FRMD4B: variants seen among roughly 807,000 people sequenced by gnomAD.
FRMD4B encodes FERM domain-containing protein 4B.
Under a neutral mutation model 141.5 loss-of-function variants are expected in FRMD4B, and 74 were observed. That is an observed-to-expected ratio of 0.52 (90% CI 0.43 to 0.63). The LOEUF (loss-of-function observed/expected upper bound fraction) is 0.63, where lower values mean the gene tolerates loss of function less well. Ranked by LOEUF, FRMD4B falls within the 30% of genes least tolerant of loss-of-function variation. The probability of loss-of-function intolerance (pLI) is 0.00; values close to 1 mark genes in which losing one functional copy is unlikely to be tolerated. For missense variants in FRMD4B, 1,366 were observed against 1,253.4 expected, an observed-to-expected ratio of 1.09 and a Z score of -1.36; for synonymous variants, 506 against 467.9, an observed-to-expected ratio of 1.08 and a Z score of -1.05.
intron 1 of FRMD4B, among the ~76,000 whole-genome samples, chr3:69,368,650 C>T (rs1250495409): frequency 6.6e-6 from 1 of 152,234 alleles, no homozygotes; most frequent in Non-Finnish European, 1.5e-5. Context: ...CATACTCCCA[C>T]TTCACAGACA....
chr3:69,250,282 T>TGTGTGC (rs2093454287), intron 5 of FRMD4B, 183 bp from the exon 6 acceptor site: 2 of 488,616 alleles, frequency 4.1e-6, no homozygotes, highest in Admixed American at 4.3e-5. Context: ...GCGAAACCAC[T>TGTGTGC]GTGTGTGCGT....
At chr3:69,211,150 G>A (rs949399152) in intron 11 of FRMD4B, among the ~76,000 whole-genome samples, 2 of 150,500 alleles carry the variant, frequency 1.3e-5, no homozygotes, top group African/African-American at 4.9e-5. Context: ...CTCTTTTATT[G>A]TCTGTCTTCT....
At chr3:69,358,909 G>T (rs1164209318) in intron 1 of FRMD4B, among the ~76,000 whole-genome samples, 1 of 152,166 alleles carries the variant, frequency 6.6e-6, no homozygotes, top group African/African-American at 2.4e-5. Flanking sequence ...GCACCCTTCT[G>T]CCTTCAGCCA....
chr3:69,231,290 C>CTTT (rs760617166), intron 7 of FRMD4B, among the ~76,000 whole-genome samples: 5 of 152,074 alleles, frequency 3.3e-5, no homozygotes, highest in Non-Finnish European at 7.4e-5. Flanking sequence ...TTGCTGCATC[C>CTTT]TTTTTTTCTC....
chr3:69,397,102 A>C (rs1704486245), intron 2 of FRMD4B, among the ~76,000 whole-genome samples: 1 of 152,236 alleles, frequency 6.6e-6, no homozygotes, highest in South Asian at 2.1e-4. Flanking sequence ...AAAAAGTAGA[A>C]ACAACTCAAG....
At chr3:69,219,898 T>A (rs1425389470) in intron 9 of FRMD4B, among the ~76,000 whole-genome samples, 1 of 152,192 alleles carries the variant, frequency 6.6e-6, no homozygotes, top group African/African-American at 2.4e-5. Context: ...CTGCATTAGT[T>A]TGCTGAGGAT....
At chr3:69,519,675 CA>C (rs1298583172) in intron 1 of FRMD4B, among the ~76,000 whole-genome samples, 1 of 151,962 alleles carries the variant, frequency 6.6e-6, no homozygotes, top group African/African-American at 2.4e-5. Flanking sequence ...TGGGGAGGAA[CA>C]GTTGGTAGTT....
chr3:69,372,682 T>A (rs6791232), intron 1 of FRMD4B, among the ~76,000 whole-genome samples: 2 of 152,160 alleles, frequency 1.3e-5, no homozygotes. Flanking sequence ...AATAAATAAA[T>A]AAACAAACAA....
In FRMD4B at chr3:69,475,475, C is replaced by T. The variant is rs188600112; in HGVS notation, c.-128-42714G>A. Among the ~76,000 whole-genome samples the T allele has an allele frequency of 1.3e-3, 202 of 151,176 alleles. 1 individual carries two copies. The highest frequency in any genetic ancestry group is 4.0e-3 in the African/African-American group (164 of 41,254). ...TGTGGTGTTTGGTTTTTTGTTCTTA[C>T]GATAGTTTACTGAGAATGATGATTT... On this transcript the variant is annotated intron_variant, in intron 1 of 5. Transcript: ENST00000459638.
At chr3:69,526,337 C>T (rs72937463) in intron 1 of FRMD4B, among the ~76,000 whole-genome samples, 4,735 of 152,258 alleles carry the variant, frequency 0.031, 210 homozygotes, top group East Asian at 0.12. Context: ...GAATTGATAA[C>T]ACACTTTTTC....
chr3:69,225,799 A>G (rs1367912586), intron 7 of FRMD4B, among the ~76,000 whole-genome samples: 1 of 151,616 alleles, frequency 6.6e-6, no homozygotes, highest in Non-Finnish European at 1.5e-5. Flanking sequence ...CTGAGTATTT[A>G]AGGACATAAT....
Position 69,191,702 on chromosome 3 carries a change from A to C in FRMD4B, c.1715-1750T>G, listed in dbSNP as rs75927483. 1.7e-3 allele frequency among the ~76,000 whole-genome samples: 258 copies of C among 152,358 alleles called. 2 individuals are homozygous for C. Among genetic ancestry groups the C allele is most frequent in the African/African-American group, 5.9e-3 (245 of 41,576 alleles). On this transcript the variant is annotated intron_variant, in intron 17 of 22. Coordinates refer to ENST00000398540, the MANE Select transcript of FRMD4B (RefSeq NM_015123.3). Reference sequence around the variant, plus strand: ...GTGCCAGTATAGTCAGCTGTTAGGCATACTTTCACTGTAAAGGAGAACATT... The same window carrying C: ...GTGCCAGTATAGTCAGCTGTTAGGCCTACTTTCACTGTAAAGGAGAACATT...
At chr3:69,197,183 T>G in intron 12 of FRMD4B, 145 bp from the exon 13 acceptor site, 1 of 553,238 alleles carries the variant, frequency 1.8e-6, no homozygotes, top group Non-Finnish European at 3.2e-6. Context: ...GGACCAAGTT[T>G]CTGATTTTCT....
chr3:69,228,382 G>T (rs1416803880), intron 7 of FRMD4B: 2 of 456,824 alleles, frequency 4.4e-6, no homozygotes, highest in Non-Finnish European at 8.8e-6. Context: ...AAATCAACTG[G>T]GTAAGCGAGC....
chr3:69,501,518 C>T (rs977078738), intron 1 of FRMD4B, among the ~76,000 whole-genome samples: 2 of 152,084 alleles, frequency 1.3e-5, no homozygotes, highest in Non-Finnish European at 2.9e-5. Flanking sequence ...ATATGTGGTA[C>T]ATTATAGTAT....
At chr3:69,201,665 A>G (rs537055257) in intron 11 of FRMD4B, among the ~76,000 whole-genome samples, 9 of 152,258 alleles carry the variant, frequency 5.9e-5, no homozygotes, top group East Asian at 1.9e-4. Flanking sequence ...AATTGCTGAA[A>G]TCATTCTCCT....
At chr3:69,310,322 T>C (rs375774512) in intron 3 of FRMD4B, 2 of 383,680 alleles carry the variant, frequency 5.2e-6, no homozygotes, top group Admixed American at 3.0e-5. Flanking sequence ...TTCCACCTGA[T>C]TAAACTAAAG....
At chr3:69,384,976 C>T (rs1704213750) in intron 1 of FRMD4B, among the ~76,000 whole-genome samples, 1 of 151,874 alleles carries the variant, frequency 6.6e-6, no homozygotes, top group Admixed American at 6.6e-5. Context: ...ACAGTAGACA[C>T]CAAGTATATT....
intron 1 of FRMD4B, among the ~76,000 whole-genome samples, chr3:69,373,451 T>A (rs1434784674): frequency 6.6e-6 from 1 of 152,234 alleles, no homozygotes; most frequent in Non-Finnish European, 1.5e-5. Context: ...AATTAACAAC[T>A]GTGAACAATT....
Sources: allele counts gnomAD v4.1 joint callset (sites outside exome capture counted in the v4.1 genomes callset), GRCh38; gene constraint gnomAD v4.1.1; transcripts MANE v1.5; gene names NCBI Gene and HGNC (gene_info 2026-07-23, HGNC 2026-07-21).